EYA4: variants seen among roughly 807,000 people sequenced by gnomAD.
EYA4 encodes protein phosphatase EYA4.
In EYA4, 31 loss-of-function variants were observed where a neutral mutation model predicts 87.9. The ratio of observed to expected loss-of-function variants is 0.35; its 90% CI spans 0.27 to 0.48. EYA4 has a LOEUF of 0.48. Among genes scored for constraint, EYA4 ranks in the 20% least tolerant of loss-of-function variants. The pLI, the probability that EYA4 is intolerant of heterozygous loss-of-function variation, is 0.99. For missense variants in EYA4, 678 were observed against 761.4 expected, an observed-to-expected ratio of 0.89 and a Z score of 1.29; for synonymous variants, 263 against 270.6, an observed-to-expected ratio of 0.97 and a Z score of 0.28.
At chr6:133,365,303 T>G (rs1583070736) in intron 2 of EYA4, among the ~76,000 whole-genome samples, 1 of 152,298 alleles carries the variant, frequency 6.6e-6, no homozygotes, top group South Asian at 2.1e-4. Context: ...ATCTCAGACC[T>G]TTCATAATTC....
At chr6:133,502,044 TCTCTCTCTCTCTCTCTCTCTCTCTCTCA>T in intron 13 of EYA4, among the ~76,000 whole-genome samples, 1 of 69,698 alleles carries the variant, frequency 1.4e-5, no homozygotes, top group Non-Finnish European at 3.2e-5. Flanking sequence ...ATCTTCCTCT[TCTCTCTCTCTCTCTCTCTCTCTCTCTCA>T]CTCTCTCTCT....
chr6:133,320,995 T>A (rs988727714), intron 2 of EYA4, among the ~76,000 whole-genome samples: 1 of 152,184 alleles, frequency 6.6e-6, no homozygotes, highest in Non-Finnish European at 1.5e-5. Flanking sequence ...TAGCTGGACA[T>A]AACAGTCTAG....
intron 3 of EYA4, among the ~76,000 whole-genome samples, chr6:133,441,443 C>T (rs1366103523): frequency 6.6e-6 from 1 of 152,094 alleles, no homozygotes; most frequent in Non-Finnish European, 1.5e-5. Flanking sequence ...CTTTTTAATT[C>T]TCAGCAAGGC....
chr6:133,344,185 G>A (rs1175864446), intron 2 of EYA4, among the ~76,000 whole-genome samples: 6 of 152,156 alleles, frequency 3.9e-5, no homozygotes, highest in African/African-American at 7.2e-5. Context: ...ATGCCAAGTC[G>A]CATTGGACTG....
intron 2 of EYA4, among the ~76,000 whole-genome samples, chr6:133,355,001 A>G (rs1783905226): frequency 6.6e-6 from 1 of 152,242 alleles, no homozygotes; most frequent in Non-Finnish European, 1.5e-5. Context: ...AGACAGTAGA[A>G]TAATAAATCT....
At chr6:133,484,790 G>T (rs1470542078) in intron 13 of EYA4, among the ~76,000 whole-genome samples, 1 of 152,182 alleles carries the variant, frequency 6.6e-6, no homozygotes, top group Non-Finnish European at 1.5e-5. Context: ...CCCAAATAAA[G>T]ATCCCTTCAA....
At chr6:133,400,093 T>C (rs978127247) in intron 3 of EYA4, among the ~76,000 whole-genome samples, 17 of 152,364 alleles carry the variant, frequency 1.1e-4, no homozygotes, top group African/African-American at 3.8e-4. Context: ...TACATATTTA[T>C]AGCTTTTTGC....
At chr6:133,450,085 A>G (rs1052720630) in intron 5 of EYA4, among the ~76,000 whole-genome samples, 1 of 151,926 alleles carries the variant, frequency 6.6e-6, no homozygotes, top group African/African-American at 2.4e-5. Flanking sequence ...TCCCGGGTTC[A>G]TGCCATTCTC....
At chr6:133,266,258 A>C (rs1047365647) in intron 1 of EYA4, among the ~76,000 whole-genome samples, 3 of 152,204 alleles carry the variant, frequency 2.0e-5, no homozygotes, top group African/African-American at 7.2e-5. Context: ...CACACACAAA[A>C]GAATGCCATG....
chr6:133,475,746 TTTC>T (rs1355036381), intron 11 of EYA4, among the ~76,000 whole-genome samples: 1 of 152,110 alleles, frequency 6.6e-6, no homozygotes, highest in African/African-American at 2.4e-5. Flanking sequence ...AATTAACAGC[TTTC>T]TTCTTTTAAA....
At chr6:133,528,580 C>G in intron 19 of EYA4, 145 bp from the exon 20 acceptor site, 1 of 770,220 alleles carries the variant, frequency 1.3e-6, no homozygotes, top group Non-Finnish European at 2.4e-6. Context: ...ATGATCATCC[C>G]GCCTTTAAAC....
At chr6:133,442,085 A>G (rs1792362315) in intron 3 of EYA4, among the ~76,000 whole-genome samples, 1 of 152,050 alleles carries the variant, frequency 6.6e-6, no homozygotes, top group Non-Finnish European at 1.5e-5. Context: ...TACTTAATAT[A>G]TTCACATTAG....
At chr6:133,243,408 C>T (rs1044887245) in intron 1 of EYA4, among the ~76,000 whole-genome samples, 1 of 152,072 alleles carries the variant, frequency 6.6e-6, no homozygotes, top group Non-Finnish European at 1.5e-5. Context: ...TGTGAACCCT[C>T]GGGTGTTTGT....
chr6:133,495,135 G>T (rs1330518365), intron 13 of EYA4, among the ~76,000 whole-genome samples: 2 of 151,816 alleles, frequency 1.3e-5, no homozygotes, highest in Non-Finnish European at 2.9e-5. Flanking sequence ...CAGGTGTGGT[G>T]GTGGGCACCT....
intron 2 of EYA4, among the ~76,000 whole-genome samples, chr6:133,286,656 G>A (rs1484194402): frequency 6.6e-6 from 1 of 152,150 alleles, no homozygotes; most frequent in African/African-American, 2.4e-5. Flanking sequence ...TATCATAGCA[G>A]AAAGAGCACC....
intron 2 of EYA4, among the ~76,000 whole-genome samples, chr6:133,358,858 T>C (rs1322719785): frequency 6.6e-6 from 1 of 152,032 alleles, no homozygotes; most frequent in Non-Finnish European, 1.5e-5. Context: ...GAGGGCACTA[T>C]GAGAAGAAAC....
upstream of EYA4, among the ~76,000 whole-genome samples, chr6:133,241,009 G>A (rs1773897043): frequency 6.6e-6 from 1 of 151,338 alleles, no homozygotes; most frequent in African/African-American, 2.4e-5. Flanking sequence ...CCTCAGCCTG[G>A]AGGCTGCAGC....
rs931175738 is a variant in EYA4 at position 133,258,459 on chromosome 6, G to A, written c.-65-16257G>A. Among the ~76,000 whole-genome samples the A allele has an allele frequency of 5.9e-5, 9 of 152,004 alleles. 1 individual carries two copies. The highest frequency in any genetic ancestry group is 5.9e-5 in the Non-Finnish European group (4 of 68,014). On this transcript the variant is annotated intron_variant, in intron 1 of 19. Transcript: ENST00000355286. ...AATTCGTTTCTTTCCATCAGCTTGC[G>A]GAGTTATATTTTTTGATCGAACTGC...
intron 7 of EYA4, 73 bp downstream of exon 7, chr6:133,461,253 T>A: frequency 9.4e-7 from 1 of 1,066,224 alleles, no homozygotes; most frequent in Non-Finnish European, 1.5e-6. Context: ...GATGGTTGGA[T>A]AATACTTGGA....
Sources: allele counts gnomAD v4.1 joint callset (sites outside exome capture counted in the v4.1 genomes callset), GRCh38; gene constraint gnomAD v4.1.1; transcripts MANE v1.5; gene names NCBI Gene and HGNC (gene_info 2026-07-23, HGNC 2026-07-21).